Variants in CHD4 observed in about 807,000 individuals in gnomAD.
CHD4 encodes the protein chromodomain helicase DNA binding protein 4.
In CHD4, 35 loss-of-function variants were observed where a neutral mutation model predicts 235.5. That is an observed-to-expected ratio of 0.15 (90% CI 0.11 to 0.20). The LOEUF is 0.20. Among genes scored for constraint, CHD4 ranks in the 10% least tolerant of loss-of-function variants. The probability of loss-of-function intolerance (pLI) is 1.00; values close to 1 mark genes in which losing one functional copy is unlikely to be tolerated. For missense variants in CHD4, 1,329 were observed against 2,432.3 expected (o/e 0.55, Z 9.54); for synonymous variants, 900 against 850.2 (o/e 1.06, Z -1.02).
At chr12:6,571,123 G>T in intron 38 of CHD4, 91 bp from the exon 39 acceptor site, 2 of 1,436,830 alleles carry the variant, frequency 1.4e-6, no homozygotes, top group Non-Finnish European at 1.9e-6. Context: ...ACTTCTCAGT[G>T]ACCAAGTAAC....
At position 6,600,537 on chromosome 12, in the gene CHD4, T is replaced by C; in HGVS notation, c.1060A>G (p.Lys354Glu). ...AATATACAGAAGAGAAACACACCTT[T>C]CTTTTTCTTTTTAGTGGTTCGGAGT... Reference protein sequence around the residue: ...KKLRTTKKKKKGEEEVTAVDG... With the variant: ...KKLRTTKKKKEGEEEVTAVDG... Residue 354 changes from lysine to glutamate, a missense_variant, in exon 8 of 40, where the codon AAA (lysine) becomes GAA (glutamate). Physicochemically the swap from Lys to Glu is moderately conservative, Grantham distance 56. Around this residue, in one of 26 missense-constraint regions of CHD4, gnomAD observed 160 missense variants for 196.6 expected, o/e 0.81. Transcript: ENST00000544040. 6.2e-7 allele frequency: 1 copy of C among 1,613,500 alleles called. No homozygotes were observed. Among genetic ancestry groups the C allele is most frequent in the Non-Finnish European group, 8.5e-7 (1 of 1,179,714 alleles).
At chr12:6,599,273 AT>A (rs879862049) in intron 10 of CHD4, among the ~76,000 whole-genome samples, 73 of 147,426 alleles carry the variant, frequency 5.0e-4, no homozygotes, top group Non-Finnish European at 5.7e-4. Flanking sequence ...CTCAACAGAG[AT>A]TTTTTTTTTT....
intron 39 of CHD4, 71 bp from the exon 40 acceptor site, chr12:6,570,764 G>T: frequency 6.2e-7 from 1 of 1,612,478 alleles, no homozygotes; most frequent in Admixed American, 1.7e-5. Flanking sequence ...GGAATTCACT[G>T]ATAGGCCACC....
At chr12:6,582,108 G>A (rs756674376) in intron 30 of CHD4, 29 bp downstream of exon 30, 6 of 1,524,922 alleles carry the variant, frequency 3.9e-6, no homozygotes, top group East Asian at 2.3e-5. Context: ...TGGCCCCCTA[G>A]AAACAATGGC....
chr12:6,573,845 A>G (rs9888313), intron 37 of CHD4, among the ~76,000 whole-genome samples: 41,795 of 151,712 alleles, frequency 0.28, 7,450 homozygotes, highest in African/African-American at 0.51. Context: ...CCAACATGAC[A>G]AAACCCCGTC....
chr12:6,583,417 G>A, intron 25 of CHD4, 39 bp from the exon 26 acceptor site: 2 of 1,548,918 alleles, frequency 1.3e-6, no homozygotes, highest in Admixed American at 1.8e-5. Context: ...GAGTGCTGAA[G>A]TCAGCACCAC....
At chr12:6,579,096 C>T (rs746989600) in intron 33 of CHD4, 179 bp from the exon 34 acceptor site, 19 of 565,198 alleles carry the variant, frequency 3.4e-5, no homozygotes, top group Non-Finnish European at 5.4e-5. Context: ...AGGCAGATCA[C>T]TTGAGGTCAG....
chr12:6,577,765 A>G lies in CHD4; in HGVS notation c.5361+20T>C, dbSNP rs1423654998. ...TTCAAGTTTGTCACTTAAGCAATAT[A>G]TTCCTCCCCAACCGCTCACCTTAAA... On this transcript the variant is annotated intron_variant, in intron 37 of 39. Transcript: ENST00000544040. The G allele has an allele frequency of 6.2e-7, 1 of 1,613,828 alleles. No homozygotes were observed. Among genetic ancestry groups the G allele is most frequent in the Non-Finnish European group, 8.5e-7 (1 of 1,179,868 alleles).
rs1948412444 is a variant in CHD4, at chr12:6,592,185, G to C, written c.2949-128C>G. On this transcript the variant is annotated intron_variant, in intron 19 of 39. Transcript: ENST00000544040. ...GGAACTAAGGACACCTAACGCACAA[G>C]CACTACCACCACCACCATTTTAAAT... The C allele has an allele frequency of 3.1e-6, 4 of 1,284,822 alleles. No individual in the cohort carries two copies. In the South Asian group the frequency reaches 3.9e-5, roughly 13 times the overall value. 79.6% of individuals were successfully genotyped at this position (1,284,822 alleles called of 1,614,324 possible). A position where few individuals can be genotyped will look rare whatever the true frequency, so the allele number is the denominator to read the frequency against.
rs1948433977 is a variant in CHD4, at chr12:6,593,383, T to G, written c.2514+33A>C. On this transcript the variant is annotated intron_variant, in intron 16 of 39. Transcript: ENST00000544040. This position sits in a 1 kb window ranked among gnomAD's most constrained non-coding sequence, Gnocchi z 4.9. ...TAAACTAAGCCAGAAGCCACAACTC[T>G]TTCTCTAGGGTGGCTTCCCTCCCCT... The G allele has an allele frequency of 6.2e-7, 1 of 1,609,120 alleles. No homozygotes were observed. Among genetic ancestry groups the G allele is most frequent in the African/African-American group, 1.3e-5 (1 of 74,832 alleles).
intron 14 of CHD4, among the ~76,000 whole-genome samples, 195 bp from the exon 15 acceptor site, chr12:6,594,845 C>T (rs1948458683): frequency 6.6e-6 from 1 of 152,202 alleles, no homozygotes; most frequent in Admixed American, 6.5e-5. Flanking sequence ...AGGGCTTAAC[C>T]AGACCTGATT....
intron 2 of CHD4, among the ~76,000 whole-genome samples, chr12:6,603,512 T>C (rs1446728845): frequency 2.3e-5 from 3 of 133,212 alleles, no homozygotes; most frequent in Non-Finnish European, 4.6e-5. Flanking sequence ...GCTGCCAACA[T>C]AGGACAGACA....
chr12:6,601,245 A>G, intron 6 of CHD4, 44 bp downstream of exon 6: 2 of 1,601,034 alleles, frequency 1.2e-6, no homozygotes, highest in Non-Finnish European at 1.7e-6. Context: ...TGACATCTTA[A>G]GCCCACACTA....
chr12:6,578,563 AG>A lies in CHD4; in HGVS notation c.4982-18del. Reference sequence around the variant, plus strand: ...TCTTCTCTTCTACAGAATATGGGGAAGAAAAATGTCAGCTCCAGCCAAAGCC... The same window carrying A: ...TCTTCTCTTCTACAGAATATGGGGAAAAAAATGTCAGCTCCAGCCAAAGCC... On this transcript the variant is annotated intron_variant, in intron 34 of 39. Transcript: ENST00000544040. The A allele has an allele frequency of 6.2e-7, 1 of 1,608,544 alleles. No homozygotes were observed. The highest frequency in any genetic ancestry group is 8.5e-7 in the Non-Finnish European group (1 of 1,179,484).
chr12:6,573,245 C>A lies in CHD4; in HGVS notation c.5386G>T (p.Glu1796Ter). 1 of 1,573,094 alleles carries A rather than the reference C, an allele frequency of 6.4e-7. No individual in the cohort carries two copies. Among genetic ancestry groups the A allele is most frequent in the Admixed American group, 2.0e-5 (1 of 49,206 alleles). ...FKLLEQALVIEEQLRRAAYLN... is the reference protein window; with the variant it reads ...FKLLEQALVI The stretch of plus-strand genomic sequence containing the variant: ...TAAGCAGCCCGGCGCAGCTGTTCCT[C>A]AATCACCAGAGCTTGTTCTAAGAGC... The change falls in exon 38 of 40, where the codon GAG becomes TAG. Residue 1796 changes from glutamate (E) to a stop codon, truncating the protein, a stop_gained. Transcript: ENST00000544040. LOFTEE classifies it high-confidence loss of function.
chr12:6,585,023 AAC>A (rs1182238473), intron 25 of CHD4, among the ~76,000 whole-genome samples: 2 of 152,232 alleles, frequency 1.3e-5, no homozygotes, highest in African/African-American at 4.8e-5. Context: ...GCATCAGGGA[AAC>A]ACAGCAAGGG....
chr12:6,597,804 G>A (rs1185534827), intron 12 of CHD4, 90 bp downstream of exon 12: 5 of 1,163,674 alleles, frequency 4.3e-6, no homozygotes, highest in Non-Finnish European at 5.1e-6. Flanking sequence ...TGTCTTCCAA[G>A]TCTAAGTTAC....
At chr12:6,598,676 G>A (rs528681840) in intron 10 of CHD4, among the ~76,000 whole-genome samples, 3 of 152,302 alleles carry the variant, frequency 2.0e-5, no homozygotes, top group Non-Finnish European at 2.9e-5. Flanking sequence ...GGGCGTGGTG[G>A]CATGCGCCTG....
rs549124129 is a variant in CHD4, at chr12:6,570,304, A to C, written c.*372T>G. 3.8e-6 allele frequency: 1 copy of C among 261,050 alleles called. No individual in the cohort carries two copies. Among genetic ancestry groups the C allele is most frequent in the South Asian group, 8.7e-5 (1 of 11,440 alleles). The allele number at this position is 261,050 out of a possible 1,614,324, so 16.2% of individuals were successfully genotyped here. A position where few individuals can be genotyped will look rare whatever the true frequency, so the allele number is the denominator to read the frequency against. ...AATACCCCCCAAAAAGGAGAAAAGA[A>C]AACACAAAATAAACCAACAAAATAA... is the stretch of plus-strand genomic sequence containing the variant. On this transcript the variant is annotated 3_prime_UTR_variant, in exon 40 of 40. Coordinates refer to ENST00000544040, the MANE Select transcript of CHD4 (RefSeq NM_001273.5).
Sources: allele counts gnomAD v4.1 joint callset (sites outside exome capture counted in the v4.1 genomes callset), GRCh38; gene constraint gnomAD v4.1.1; regional missense constraint gnomAD v4.1.1; non-coding constraint Gnocchi (gnomAD v3.1); transcripts MANE v1.5; gene names NCBI Gene and HGNC (gene_info 2026-07-23, HGNC 2026-07-21).